Variants in LHFPL6 observed in about 807,000 individuals in gnomAD.
The protein encoded by LHFPL6 is LHFPL tetraspan subfamily member 6 protein.
In LHFPL6, 9 loss-of-function variants were observed where a neutral mutation model predicts 20.6. The ratio of observed to expected loss-of-function variants is 0.44; its 90% CI spans 0.26 to 0.76. The LOEUF is 0.76. LHFPL6 is among the 30% of genes least tolerant of loss of function. The pLI, the probability that LHFPL6 is intolerant of heterozygous loss-of-function variation, is 0.20. For missense variants in LHFPL6, 218 were observed against 253.5 expected (o/e 0.86, Z 0.95); for synonymous variants, 105 against 98.7 (o/e 1.06, Z -0.38).
At chr13:39,584,839 C>T (rs1872399360) in intron 2 of LHFPL6, among the ~76,000 whole-genome samples, 1 of 152,068 alleles carries the variant, frequency 6.6e-6, no homozygotes, top group African/African-American at 2.4e-5. Context: ...ATGAAGAGAA[C>T]ATGGAAAACC....
At chr13:39,392,198 G>A (rs1245949630) in intron 2 of LHFPL6, among the ~76,000 whole-genome samples, 2 of 152,054 alleles carry the variant, frequency 1.3e-5, no homozygotes, top group Non-Finnish European at 2.9e-5. Flanking sequence ...TACAAAGGAA[G>A]AAGTATTTAA....
chr13:39,498,322 G>C (rs1198276920), intron 2 of LHFPL6, among the ~76,000 whole-genome samples: 1 of 152,246 alleles, frequency 6.6e-6, no homozygotes, highest in South Asian at 2.1e-4. Context: ...TTAAAGTAAA[G>C]AGCATTTACC....
At chr13:39,476,318 C>T (rs927559271) in intron 2 of LHFPL6, among the ~76,000 whole-genome samples, 7 of 152,150 alleles carry the variant, frequency 4.6e-5, no homozygotes, top group African/African-American at 1.7e-4. Context: ...GCATGAGCAA[C>T]CGCGCCCAGC....
intron 2 of LHFPL6, among the ~76,000 whole-genome samples, chr13:39,395,100 A>C (rs1870809821): frequency 6.6e-6 from 1 of 152,174 alleles, no homozygotes; most frequent in Non-Finnish European, 1.5e-5. Context: ...AGCTTCCTCC[A>C]GGGAAACTAT....
At chr13:39,392,679 T>C (rs1870740182) in intron 2 of LHFPL6, among the ~76,000 whole-genome samples, 1 of 152,152 alleles carries the variant, frequency 6.6e-6, no homozygotes, top group African/African-American at 2.4e-5. Flanking sequence ...TCAGGAATAC[T>C]CATTTTCAGC....
At chr13:39,503,403 T>C (rs1188889832) in intron 2 of LHFPL6, among the ~76,000 whole-genome samples, 4 of 152,212 alleles carry the variant, frequency 2.6e-5, no homozygotes, top group African/African-American at 9.6e-5. Context: ...CTGACCATTT[T>C]ATTAATATCT....
intron 2 of LHFPL6, among the ~76,000 whole-genome samples, chr13:39,401,618 T>C (rs1870992897): frequency 6.6e-6 from 1 of 152,208 alleles, no homozygotes; most frequent in African/African-American, 2.4e-5. Context: ...GTTGTTAAAA[T>C]TCAGGTTTCA....
intron 2 of LHFPL6, among the ~76,000 whole-genome samples, chr13:39,533,969 T>C (rs1355512770): frequency 1.3e-5 from 2 of 152,160 alleles, no homozygotes; most frequent in African/African-American, 4.8e-5. Flanking sequence ...ATAAAATACA[T>C]ATGTACTCTT....
chr13:39,435,561 A>G (rs1438928560), intron 2 of LHFPL6, among the ~76,000 whole-genome samples: 1 of 152,236 alleles, frequency 6.6e-6, no homozygotes, highest in Non-Finnish European at 1.5e-5. Flanking sequence ...TGACTAATGT[A>G]CAATGTTACA....
chr13:39,426,873 A>G (rs944506364), intron 2 of LHFPL6, among the ~76,000 whole-genome samples: 2 of 152,138 alleles, frequency 1.3e-5, no homozygotes, highest in Admixed American at 6.5e-5. Flanking sequence ...GTTTGCTTAT[A>G]TATTTTTATA....
chr13:39,531,119 T>C (rs1870452688), intron 2 of LHFPL6, among the ~76,000 whole-genome samples: 1 of 152,248 alleles, frequency 6.6e-6, no homozygotes, highest in Admixed American at 6.5e-5. Context: ...GAATTACAGC[T>C]AATAAACAAA....
At chr13:39,598,121 G>C (rs1418912259) in intron 2 of LHFPL6, among the ~76,000 whole-genome samples, 1 of 152,238 alleles carries the variant, frequency 6.6e-6, no homozygotes, top group East Asian at 1.9e-4. Flanking sequence ...GGCAGTCTAT[G>C]AGATTCATAG....
chr13:39,565,503 C>A (rs1195054313), intron 2 of LHFPL6, among the ~76,000 whole-genome samples: 1 of 152,100 alleles, frequency 6.6e-6, no homozygotes, highest in Admixed American at 6.5e-5. Flanking sequence ...CAGCAGAAAA[C>A]AAGCTGCTGA....
At chr13:39,544,082 A>G (rs1478932667) in intron 2 of LHFPL6, among the ~76,000 whole-genome samples, 3 of 152,196 alleles carry the variant, frequency 2.0e-5, no homozygotes, top group African/African-American at 4.8e-5. Context: ...TTTAGCTATT[A>G]TCATTGAAGA....
At chr13:39,414,440 T>C (rs1196268312) in intron 2 of LHFPL6, among the ~76,000 whole-genome samples, 1 of 152,186 alleles carries the variant, frequency 6.6e-6, no homozygotes, top group Non-Finnish European at 1.5e-5. Flanking sequence ...TTCAGGAAAT[T>C]TATTTTATAA....
intron 2 of LHFPL6, among the ~76,000 whole-genome samples, chr13:39,523,823 G>A (rs530571504): frequency 4.6e-5 from 7 of 152,208 alleles, no homozygotes; most frequent in Admixed American, 4.6e-4. Flanking sequence ...AATCAAGGCT[G>A]GTATTAGAAT....
intron 2 of LHFPL6, among the ~76,000 whole-genome samples, chr13:39,495,530 A>G (rs888372104): frequency 6.6e-6 from 1 of 152,082 alleles, no homozygotes; most frequent in East Asian, 1.9e-4. Context: ...CAGTGAAAAG[A>G]TAAGTTGTGG....
chr13:39,475,388 T>C (rs534621063), intron 2 of LHFPL6, among the ~76,000 whole-genome samples: 6 of 152,142 alleles, frequency 3.9e-5, no homozygotes, highest in African/African-American at 9.6e-5. Flanking sequence ...TAACAAAAAA[T>C]TGAGGTAACA....
Position 39,474,058 on chromosome 13 carries a change from G to C in LHFPL6, c.386-95532C>G, listed in dbSNP as rs968003397. Among the ~76,000 whole-genome samples the C allele has an allele frequency of 5.9e-5, 9 of 152,194 alleles. 1 individual carries two copies. Among genetic ancestry groups the C allele is most frequent in the African/African-American group, 2.2e-4 (9 of 41,444 alleles). ...CAGTCATTGATTCGAGGCCAATGCTGGGTGGTTTATCTTCCTAAATAAAAT... is the reference window on the plus strand; with the variant it reads ...CAGTCATTGATTCGAGGCCAATGCTCGGTGGTTTATCTTCCTAAATAAAAT... On this transcript the variant is annotated intron_variant, in intron 2 of 3. Coordinates refer to ENST00000379589, the MANE Select transcript of LHFPL6 (RefSeq NM_005780.3).
Sources: gnomAD v4.1 joint callset for allele counts (sites outside exome capture counted in the v4.1 genomes callset) on GRCh38, gnomAD v4.1.1 for gene constraint, MANE v1.5 for transcripts, NCBI Gene and HGNC (gene_info 2026-07-23, HGNC 2026-07-21) for gene names.